LDLRAD3: variants seen among roughly 807,000 people sequenced by gnomAD.
LDLRAD3 encodes low-density lipoprotein receptor class A domain-containing protein 3.
LDLRAD3 carries 20 observed loss-of-function variants against 29.4 expected under a neutral mutation model. The observed-to-expected ratio is 0.68, with a 90% CI of 0.48 to 0.99. LDLRAD3 has a LOEUF of 0.99. Among genes scored for constraint, LDLRAD3 ranks in the 50% least tolerant of loss-of-function variants. The probability of loss-of-function intolerance (pLI) is 0.00; values close to 1 mark genes in which losing one functional copy is unlikely to be tolerated. For missense variants in LDLRAD3, 420 were observed against 454.3 expected (o/e 0.92, Z 0.69); for synonymous variants, 157 against 192.7 (o/e 0.81, Z 1.53).
intron 1 of LDLRAD3, among the ~76,000 whole-genome samples, chr11:35,991,365 A>AAGG (rs1185472381): frequency 6.6e-6 from 1 of 152,190 alleles, no homozygotes; most frequent in Non-Finnish European, 1.5e-5. Context: ...CAAACTGCAG[A>AAGG]AGGCTTATTC....
intron 1 of LDLRAD3, among the ~76,000 whole-genome samples, chr11:35,980,636 T>C (rs1851529193): frequency 6.6e-6 from 1 of 152,212 alleles, no homozygotes; most frequent in African/African-American, 2.4e-5. Context: ...TAAATCCTTT[T>C]CTACTCACTC....
At chr11:36,169,071 G>C (rs949001829) in intron 4 of LDLRAD3, among the ~76,000 whole-genome samples, 5 of 152,090 alleles carry the variant, frequency 3.3e-5, no homozygotes, top group African/African-American at 1.2e-4. Flanking sequence ...TTCTGATTTG[G>C]GTGAGTGCAG....
At chr11:36,074,601 GGT>G (rs1454974563) in intron 2 of LDLRAD3, among the ~76,000 whole-genome samples, 6 of 152,178 alleles carry the variant, frequency 3.9e-5, no homozygotes, top group Non-Finnish European at 7.3e-5. Flanking sequence ...GATGACTCTA[GGT>G]TTTATTCTAA....
intron 2 of LDLRAD3, among the ~76,000 whole-genome samples, chr11:36,075,449 A>T (rs1264225793): frequency 6.6e-6 from 1 of 152,128 alleles, no homozygotes; most frequent in Non-Finnish European, 1.5e-5. Flanking sequence ...CTCATTACTG[A>T]TGATGTTGAC....
At chr11:36,133,556 T>C (rs1024651693) in intron 4 of LDLRAD3, among the ~76,000 whole-genome samples, 6 of 147,470 alleles carry the variant, frequency 4.1e-5, no homozygotes, top group African/African-American at 1.5e-4. Context: ...TCTTTTTTTT[T>C]TTTTTTTTTG....
At chr11:36,017,043 C>A (rs1247239648) in intron 1 of LDLRAD3, among the ~76,000 whole-genome samples, 2 of 152,210 alleles carry the variant, frequency 1.3e-5, no homozygotes, top group Non-Finnish European at 2.9e-5. Context: ...TAGTCCATCC[C>A]TAAAGAACTG....
chr11:35,997,571 A>G, intron 1 of LDLRAD3: 1 of 311,620 alleles, frequency 3.2e-6, no homozygotes, highest in Non-Finnish European at 6.1e-6. Context: ...TTGCAGACAT[A>G]CCCAGAGGGC....
At chr11:36,018,356 G>T (rs556956554) in intron 1 of LDLRAD3, among the ~76,000 whole-genome samples, 5 of 152,110 alleles carry the variant, frequency 3.3e-5, no homozygotes, top group Non-Finnish European at 7.3e-5. Flanking sequence ...CCTCAAGCTC[G>T]ATCCTGTTCA....
intron 2 of LDLRAD3, among the ~76,000 whole-genome samples, chr11:36,059,381 G>A (rs546040108): frequency 5.3e-5 from 8 of 149,906 alleles, no homozygotes; most frequent in Admixed American, 1.3e-4. Flanking sequence ...AAAAGATAAG[G>A]TCACTCCCCT....
At chr11:36,032,471 G>A (rs1466254650) in intron 1 of LDLRAD3, among the ~76,000 whole-genome samples, 1 of 152,170 alleles carries the variant, frequency 6.6e-6, no homozygotes, top group Non-Finnish European at 1.5e-5. Context: ...GTGAAGAGAA[G>A]GACCTGGAAG....
chr11:36,074,794 C>G (rs572795770), intron 2 of LDLRAD3, among the ~76,000 whole-genome samples: 5 of 152,292 alleles, frequency 3.3e-5, no homozygotes, highest in East Asian at 1.9e-4. Flanking sequence ...TGGAAGGACA[C>G]GATGGCTGGA....
chr11:36,013,777 T>C (rs1417140596), intron 1 of LDLRAD3, among the ~76,000 whole-genome samples: 6 of 104,746 alleles, frequency 5.7e-5, no homozygotes, highest in Admixed American at 5.6e-4. Context: ...CCCAGGGGAG[T>C]GTGCCTGAGT....
At position 36,213,372 on chromosome 11, in the gene LDLRAD3, G is replaced by T. The variant is rs1301386178; in HGVS notation, c.455-13713G>T. ...AGCGGGGTTTTCATGGCTCTCTTTT[G>T]ATTCAGTCATTTGCTGGTCTGCCCT... is the stretch of plus-strand genomic sequence containing the variant. On this transcript the variant is annotated intron_variant, in intron 4 of 5. Transcript: ENST00000315571. This position sits in a 1 kb window ranked among gnomAD's most constrained non-coding sequence, Gnocchi z 4.1. Among the ~76,000 whole-genome samples, 1 of 152,186 alleles carries T rather than the reference G, an allele frequency of 6.6e-6. No individual in the cohort carries two copies. The highest frequency in any genetic ancestry group is 1.9e-4 in the East Asian group (1 of 5,186).
At chr11:36,064,997 G>A (rs1852768503) in intron 2 of LDLRAD3, among the ~76,000 whole-genome samples, 1 of 152,226 alleles carries the variant, frequency 6.6e-6, no homozygotes, top group African/African-American at 2.4e-5. Context: ...TTCTGTGGTT[G>A]TTGGGTAGCA....
intron 2 of LDLRAD3, among the ~76,000 whole-genome samples, chr11:36,069,204 C>G (rs1852851493): frequency 6.6e-6 from 1 of 152,196 alleles, no homozygotes; most frequent in South Asian, 2.1e-4. Context: ...AGTTTGCTTT[C>G]TGGGCTGTTT....
chr11:36,089,431 ATT>A (rs34553102), intron 3 of LDLRAD3, among the ~76,000 whole-genome samples: 103,624 of 146,198 alleles, frequency 0.71, 36,958 homozygotes, highest in African/African-American at 0.83. Flanking sequence ...TTCCCAATAC[ATT>A]TTTTTTTTTT....
intron 1 of LDLRAD3, among the ~76,000 whole-genome samples, chr11:36,028,321 A>T (rs1852193078): frequency 6.6e-6 from 1 of 152,194 alleles, no homozygotes; most frequent in South Asian, 2.1e-4. Context: ...GTTGCTGAGG[A>T]TGCAGCAGCA....
chr11:36,103,268 G>A (rs1275043639), intron 4 of LDLRAD3, among the ~76,000 whole-genome samples: 28 of 128,200 alleles, frequency 2.2e-4, no homozygotes, highest in Admixed American at 2.1e-3. Context: ...GTGGAGTCTC[G>A]CTCTGTCACC....
chr11:35,953,595 G>A (rs1260678710), intron 1 of LDLRAD3, among the ~76,000 whole-genome samples: 3 of 152,120 alleles, frequency 2.0e-5, no homozygotes, highest in African/African-American at 7.2e-5. Context: ...TCCAGGCGTC[G>A]TTAAACTAAT....
Sources: gnomAD v4.1 joint callset for allele counts (sites outside exome capture counted in the v4.1 genomes callset) on GRCh38, gnomAD v4.1.1 for gene constraint, Gnocchi (gnomAD v3.1) non-coding constraint, MANE v1.5 for transcripts, NCBI Gene and HGNC (gene_info 2026-07-23, HGNC 2026-07-21) for gene names.